GAD1: variants seen among roughly 807,000 people sequenced by gnomAD.
GAD1 encodes 67 kDa glutamic acid decarboxylase.
In GAD1, 35 loss-of-function variants were observed where a neutral mutation model predicts 75.2. That is an observed-to-expected ratio of 0.47 (90% CI 0.36 to 0.62). GAD1 has a LOEUF of 0.62. Among genes scored for constraint, GAD1 ranks in the 20% least tolerant of loss-of-function variants. GAD1 has a pLI of 0.00. For synonymous variants in GAD1, 257 were observed against 271.9 expected (o/e 0.95, Z 0.54); for missense variants, 490 against 758.5 (o/e 0.65, Z 4.16).
At chr2:170,858,057 G>A (rs1702889524) in intron 15 of GAD1, among the ~76,000 whole-genome samples, 1 of 152,118 alleles carries the variant, frequency 6.6e-6, no homozygotes, top group Non-Finnish European at 1.5e-5. Flanking sequence ...ACAAAAAAGA[G>A]CCCTGGGCAG....
At chr2:170,840,153 A>ATCCATC (rs1191081040) in intron 6 of GAD1, among the ~76,000 whole-genome samples, 1 of 152,218 alleles carries the variant, frequency 6.6e-6, no homozygotes, top group Non-Finnish European at 1.5e-5. Flanking sequence ...GGATAATAGT[A>ATCCATC]TCCATCCTAC....
intron 3 of GAD1, among the ~76,000 whole-genome samples, chr2:170,823,939 C>T (rs1041695580): frequency 3.9e-5 from 6 of 152,202 alleles, no homozygotes; most frequent in Non-Finnish European, 8.8e-5. Flanking sequence ...CGCTCCACTT[C>T]CGCGGGAATA....
chr2:170,842,434 A>G (rs1253423327), intron 6 of GAD1: 4 of 870,680 alleles, frequency 4.6e-6, no homozygotes, highest in Non-Finnish European at 7.9e-6. Flanking sequence ...TCATGTCAAC[A>G]TTTCCAAAAA....
intron 7 of GAD1, among the ~76,000 whole-genome samples, chr2:170,844,687 G>T (rs1431739634): frequency 6.6e-6 from 1 of 152,124 alleles, no homozygotes; most frequent in East Asian, 1.9e-4. Context: ...TTAATTGATT[G>T]ATTTCAGCCA....
Position 170,831,015 on chromosome 2 carries a change from C to T in GAD1, c.370C>T (p.Leu124Phe). Residue 124 changes from leucine to phenylalanine, a missense_variant, in exon 5 of 17, where the codon CTC becomes TTC. Physicochemically the swap from Leu to Phe is conservative, Grantham distance 22. Transcript: ENST00000358196. Reference sequence around the variant, plus strand: ...ATTCCTCCTGGAAGTGGTGGACATACTCCTCAACTATGTCCGCAAGACATT... The same window carrying T: ...ATTCCTCCTGGAAGTGGTGGACATATTCCTCAACTATGTCCGCAAGACATT... ...VQFLLEVVDILLNYVRKTFDR... is the reference protein window; with the variant it reads ...VQFLLEVVDIFLNYVRKTFDR... The T allele has an allele frequency of 1.2e-6, 2 of 1,614,138 alleles. No individual in the cohort carries two copies. Among genetic ancestry groups the T allele is most frequent in the South Asian group, 1.1e-5 (1 of 91,084 alleles).
rs1023503888 is a variant in GAD1, at chr2:170,853,620, A to G, written c.1264-253A>G. 1 of 467,914 alleles carries G rather than the reference A, an allele frequency of 2.1e-6. No homozygotes were observed. Among genetic ancestry groups the G allele is most frequent in the Non-Finnish European group, 3.9e-6 (1 of 253,320 alleles). 29.0% of individuals were successfully genotyped at this position (467,914 alleles called of 1,614,324 possible). A position where few individuals can be genotyped will look rare whatever the true frequency, so the allele number is the denominator to read the frequency against. On this transcript the variant is annotated intron_variant, in intron 13 of 16. Coordinates refer to ENST00000358196, the MANE Select transcript of GAD1 (RefSeq NM_000817.3). The surrounding 1 kb of genome is among the most constrained non-coding windows in gnomAD (Gnocchi z 4.1). Reference sequence around the variant, plus strand: ...GAAACAATCCCAGACACCCATACACATTTCCCCTTAGAGGGATGGCATCTG... The same window carrying G: ...GAAACAATCCCAGACACCCATACACGTTTCCCCTTAGAGGGATGGCATCTG...
intron 6 of GAD1, among the ~76,000 whole-genome samples, chr2:170,837,485 G>A (rs975978450): frequency 6.6e-6 from 1 of 152,198 alleles, no homozygotes; most frequent in Non-Finnish European, 1.5e-5. Context: ...CTGAGGTCCT[G>A]TAGGGTATGG....
chr2:170,859,015 T>C, intron 16 of GAD1, 122 bp downstream of exon 16: 1 of 873,950 alleles, frequency 1.1e-6, no homozygotes, highest in South Asian at 1.4e-5. Flanking sequence ...GGGGTGGGTT[T>C]CTAGTAATGG....
intron 8 of GAD1, 37 bp from the exon 9 acceptor site, chr2:170,845,668 CT>C (rs1185835350): frequency 6.2e-7 from 1 of 1,613,140 alleles, no homozygotes; most frequent in Non-Finnish European, 8.5e-7. Flanking sequence ...TTTTAGGGGA[CT>C]TTCCAACTTC....
At chr2:170,835,720 G>A (rs930663692) in intron 5 of GAD1, among the ~76,000 whole-genome samples, 1 of 152,252 alleles carries the variant, frequency 6.6e-6, no homozygotes, top group Middle Eastern at 3.4e-3. Context: ...AAAATGAAGT[G>A]TTATTGTTAA....
At chr2:170,820,634 C>T (rs1439746932) in intron 2 of GAD1, among the ~76,000 whole-genome samples, 2 of 152,208 alleles carry the variant, frequency 1.3e-5, no homozygotes, top group Non-Finnish European at 2.9e-5. Context: ...CCCTCCTTGT[C>T]CCCAACCACT....
intron 3 of GAD1, among the ~76,000 whole-genome samples, chr2:170,824,087 C>T (rs1575425412): frequency 1.3e-5 from 2 of 152,156 alleles, no homozygotes; most frequent in African/African-American, 2.4e-5. Context: ...CACTGTCAGC[C>T]GAAGCTAGGA....
At chr2:170,828,555 A>ACCTCTGCTGTCCTCACCGTCCT (rs1196296600) in intron 3 of GAD1, among the ~76,000 whole-genome samples, 11 of 36,036 alleles carry the variant, frequency 3.1e-4, no homozygotes, top group African/African-American at 1.1e-3. Flanking sequence ...TCACCCTCCT[A>ACCTCTGCTGTCCTCACCGTCCT]CCTCTGCTGT....
At chr2:170,852,476 T>A (rs1023785000) in intron 12 of GAD1, 2 of 559,438 alleles carry the variant, frequency 3.6e-6, no homozygotes, top group African/African-American at 3.8e-5. Flanking sequence ...ATAAGACATA[T>A]AATAAGTTAT....
chr2:170,832,656 G>GCA (rs1702261342), intron 5 of GAD1, among the ~76,000 whole-genome samples: 1 of 39,102 alleles, frequency 2.6e-5, no homozygotes, highest in Non-Finnish European at 1.4e-4. Context: ...ACACATGCGC[G>GCA]CGCGCGCGCA....
At chr2:170,831,609 T>G (rs1702226715) in intron 5 of GAD1, among the ~76,000 whole-genome samples, 1 of 144,918 alleles carries the variant, frequency 6.9e-6, no homozygotes, top group South Asian at 2.2e-4. Flanking sequence ...TGTGTGTGTG[T>G]GTGTGTGTGT....
chr2:170,835,790 C>CAAAAG (rs1287276542), intron 5 of GAD1, among the ~76,000 whole-genome samples: 1 of 152,030 alleles, frequency 6.6e-6, no homozygotes, highest in South Asian at 2.1e-4. Context: ...TGTGTTGTTT[C>CAAAAG]AAAAGACCTC....
chr2:170,821,913 G>C (rs943446893), intron 2 of GAD1, 174 bp from the exon 3 acceptor site: 6 of 652,714 alleles, frequency 9.2e-6, no homozygotes, highest in Admixed American at 2.3e-5. Context: ...TGGGGGCTTA[G>C]AGTATATGCC....
At chr2:170,851,503 T>C (rs961083536) in intron 12 of GAD1, among the ~76,000 whole-genome samples, 1 of 152,042 alleles carries the variant, frequency 6.6e-6, no homozygotes, top group African/African-American at 2.4e-5. Flanking sequence ...TGAAACAGAG[T>C]GCACTAAATT....
Sources: gnomAD v4.1 joint callset for allele counts (sites outside exome capture counted in the v4.1 genomes callset) on GRCh38, gnomAD v4.1.1 for gene constraint, Gnocchi (gnomAD v3.1) non-coding constraint, MANE v1.5 for transcripts, NCBI Gene and HGNC (gene_info 2026-07-23, HGNC 2026-07-21) for gene names.